Variants in MDGA2 observed in about 807,000 individuals in gnomAD.
MDGA2 encodes MAM domain-containing glycosylphosphatidylinositol anchor protein 2.
Under a neutral mutation model 117.8 loss-of-function variants are expected in MDGA2, and 40 were observed. The observed-to-expected ratio is 0.34, with a 90% confidence interval of 0.26 to 0.44. The LOEUF (loss-of-function observed/expected upper bound fraction) is 0.44. Ranked by LOEUF, MDGA2 falls within the 20% of genes least tolerant of loss-of-function variation. The pLI is 1.00. For synonymous variants in MDGA2, 452 were observed against 439.0 expected, an observed-to-expected ratio of 1.03 and a Z score of -0.37; for missense variants, 1,123 against 1,250.6, an observed-to-expected ratio of 0.90 and a Z score of 1.54.
Position 47,061,465 on chromosome 14 carries a change from C to T in MDGA2, c.1309G>A (p.Glu437Lys). ...TTTTTAAACCAACTAAATGTTAGCTCCTCAGAAGGAACAGCTTCTACTTGG... is the reference window on the plus strand; with the variant it reads ...TTTTTAAACCAACTAAATGTTAGCTTCTCAGAAGGAACAGCTTCTACTTGG... Reference protein sequence around the residue: ...SCQVEAVPSEELTFSWFKNGR... With the variant: ...SCQVEAVPSEKLTFSWFKNGR... The change falls in exon 7 of 17, where the codon GAG becomes AAG. Residue 437 changes from glutamate to lysine, a missense_variant. Physicochemically the swap from Glu to Lys is moderately conservative, Grantham distance 56. This residue lies in a region of MDGA2 where 890 missense variants were observed against 1,050.3 expected (regional missense o/e 0.85). Transcript: ENST00000399232. 1 of 1,613,500 alleles carries T rather than the reference C, an allele frequency of 6.2e-7. No homozygotes were observed. Among genetic ancestry groups the T allele is most frequent in the Non-Finnish European group, 8.5e-7 (1 of 1,179,594 alleles).
rs113667186 is a variant in MDGA2 at position 47,205,778 on chromosome 14, C to G, written c.595+12243G>C. Among the ~76,000 whole-genome samples, 10 of 152,096 alleles carry G rather than the reference C, an allele frequency of 6.6e-5. 1 individual carries two copies. The highest frequency in any genetic ancestry group is 2.0e-4 in the Admixed American group (3 of 15,286). On this transcript the variant is annotated intron_variant, in intron 3 of 16. Transcript: ENST00000399232. ...TGGAACCGTGATCTTCTAATCTTAG[C>G]TTAGCATTTCAGCTACTACAACAAT... is the stretch of plus-strand genomic sequence containing the variant.
At chr14:47,583,599 G>T (rs775521526) in intron 1 of MDGA2, among the ~76,000 whole-genome samples, 9 of 151,712 alleles carry the variant, frequency 5.9e-5, no homozygotes, top group Non-Finnish European at 8.8e-5. Context: ...ACTTTCTGGA[G>T]GATGGAGAAA....
intron 2 of MDGA2, among the ~76,000 whole-genome samples, chr14:47,257,185 T>C (rs1162883858): frequency 2.6e-5 from 4 of 152,142 alleles, no homozygotes; most frequent in African/African-American, 7.2e-5. Flanking sequence ...GTCATTTCAA[T>C]AGACACCATG....
Position 47,158,173 on chromosome 14 carries a change from T to TA in MDGA2, c.596-13900dup, listed in dbSNP as rs547301937. Among the ~76,000 whole-genome samples the TA allele has an allele frequency of 1.6e-4, 25 of 152,324 alleles. No individual in the cohort carries two copies. In the South Asian group the frequency reaches 5.0e-3, roughly 30 times the overall value. On this transcript the variant is annotated intron_variant, in intron 3 of 16. Coordinates refer to ENST00000399232, the MANE Select transcript of MDGA2 (RefSeq NM_001113498.3). ...GATACACAAATATATATCACTGTGT[T>TA]ACGACTGCTTACAGCATTCAGTATA...
In MDGA2 at chr14:47,334,771, A is replaced by G. The variant is rs571995169; in HGVS notation, c.281-33221T>C. Among the ~76,000 whole-genome samples, 36 of 152,068 alleles carry G rather than the reference A, an allele frequency of 2.4e-4. No homozygotes were observed. The South Asian group carries it at 7.2e-3, about 31-fold the overall frequency. On this transcript the variant is annotated intron_variant, in intron 1 of 16. Transcript: ENST00000399232. ...CTGTGGCATGACTGATAATTCAAAT[A>G]GAATAAAATACAAGCAACTGTGACT...
At chr14:46,852,954 T>C (rs969166695) in intron 15 of MDGA2, among the ~76,000 whole-genome samples, 66 of 151,394 alleles carry the variant, frequency 4.4e-4, no homozygotes, top group African/African-American at 1.6e-3. Context: ...ACCAGACTTG[T>C]AAAAAAAATA....
intron 10 of MDGA2, among the ~76,000 whole-genome samples, chr14:46,918,425 C>A (rs912774774): frequency 2.0e-5 from 3 of 152,078 alleles, no homozygotes; most frequent in Non-Finnish European, 4.4e-5. Flanking sequence ...AAGAAATAAG[C>A]CCACAAACTG....
intron 8 of MDGA2, among the ~76,000 whole-genome samples, chr14:46,961,235 T>A (rs1200874955): frequency 6.6e-6 from 1 of 152,208 alleles, no homozygotes. Context: ...TTCTTAGATC[T>A]GTTAAGTTTG....
chr14:47,655,528 C>A (rs1011016258), intron 1 of MDGA2, among the ~76,000 whole-genome samples: 1 of 152,080 alleles, frequency 6.6e-6, no homozygotes, highest in East Asian at 1.9e-4. Flanking sequence ...CTGGGTAAGA[C>A]ATGTGCTCAG....
intron 5 of MDGA2, among the ~76,000 whole-genome samples, chr14:47,116,842 T>C (rs1326159443): frequency 2.0e-5 from 3 of 151,900 alleles, no homozygotes; most frequent in African/African-American, 7.2e-5. Flanking sequence ...TTCATTCCAT[T>C]GATCTTGGGA....
At chr14:47,298,912 T>C (rs1889177619) in intron 2 of MDGA2, among the ~76,000 whole-genome samples, 1 of 151,930 alleles carries the variant, frequency 6.6e-6, no homozygotes, top group South Asian at 2.1e-4. Context: ...GGTCTCGATC[T>C]CCTGACCTCG....
chr14:46,897,392 T>C (rs1394474233), intron 10 of MDGA2, among the ~76,000 whole-genome samples: 2 of 152,166 alleles, frequency 1.3e-5, no homozygotes, highest in Non-Finnish European at 2.9e-5. Context: ...CGTGATGTCT[T>C]ATACAAAGAT....
intron 1 of MDGA2, among the ~76,000 whole-genome samples, chr14:47,537,972 T>G (rs1338995599): frequency 2.0e-5 from 3 of 152,192 alleles, no homozygotes; most frequent in Non-Finnish European, 4.4e-5. Context: ...AATGTATTAT[T>G]TATATGATAA....
At chr14:47,184,098 GTGTGTA>G (rs981842839) in intron 3 of MDGA2, among the ~76,000 whole-genome samples, 7 of 152,000 alleles carry the variant, frequency 4.6e-5, no homozygotes, top group African/African-American at 1.4e-4. Flanking sequence ...AAATCTATGT[GTGTGTA>G]TGTGTATATG....
chr14:47,300,992 C>T (rs1889259515), intron 2 of MDGA2, among the ~76,000 whole-genome samples: 2 of 152,108 alleles, frequency 1.3e-5, no homozygotes, highest in Non-Finnish European at 2.9e-5. Context: ...TGACCTCATG[C>T]TTCACATTCT....
intron 9 of MDGA2, among the ~76,000 whole-genome samples, chr14:46,936,987 A>T (rs1884805780): frequency 6.6e-6 from 1 of 152,156 alleles, no homozygotes; most frequent in Non-Finnish European, 1.5e-5. Context: ...CCAAATTGGA[A>T]AAGAGGTCAA....
chr14:47,361,709 G>A (rs1891129531), intron 1 of MDGA2, among the ~76,000 whole-genome samples: 1 of 152,048 alleles, frequency 6.6e-6, no homozygotes, highest in Non-Finnish European at 1.5e-5. Flanking sequence ...TTCTTGGACT[G>A]CTTACATAGG....
chr14:46,908,944 T>C (rs1883597828), intron 10 of MDGA2, among the ~76,000 whole-genome samples: 1 of 152,176 alleles, frequency 6.6e-6, no homozygotes, highest in Admixed American at 6.5e-5. Flanking sequence ...GATCAGCTTC[T>C]GCTACCTTCC....
At chr14:47,169,743 T>C (rs1441542502) in intron 3 of MDGA2, among the ~76,000 whole-genome samples, 2 of 152,178 alleles carry the variant, frequency 1.3e-5, no homozygotes, top group East Asian at 3.9e-4. Context: ...AAAATAACAA[T>C]GGCATAACAG....
Sources: gnomAD v4.1 joint callset for allele counts (sites outside exome capture counted in the v4.1 genomes callset) on GRCh38, gnomAD v4.1.1 for gene constraint, gnomAD v4.1.1 regional missense constraint, MANE v1.5 for transcripts, NCBI Gene and HGNC (gene_info 2026-07-23, HGNC 2026-07-21) for gene names.